TMPRSS9: variants seen among roughly 807,000 people sequenced by gnomAD.
The protein encoded by TMPRSS9 is transmembrane protease serine 9.
Under a neutral mutation model 111.4 loss-of-function variants are expected in TMPRSS9, and 113 were observed. That is an observed-to-expected ratio of 1.01 (90% CI 0.87 to 1.19). The LOEUF (loss-of-function observed/expected upper bound fraction) is 1.19. TMPRSS9 is among the 50% of genes most tolerant of loss of function. The pLI is 0.00. For synonymous variants in TMPRSS9, 805 were observed against 659.1 expected (o/e 1.22, Z -3.39); for missense variants, 1,803 against 1,513.1 (o/e 1.19, Z -3.18).
intron 1 of TMPRSS9, among the ~76,000 whole-genome samples, chr19:2,364,829 C>A (rs1970235813): frequency 6.6e-6 from 1 of 151,244 alleles, no homozygotes; most frequent in South Asian, 2.1e-4. Context: ...ACTAAAAATA[C>A]AAAAAAAATT....
At chr19:2,407,041 C>G (rs1970983584) in intron 7 of TMPRSS9, among the ~76,000 whole-genome samples, 1 of 151,534 alleles carries the variant, frequency 6.6e-6, no homozygotes, top group Non-Finnish European at 1.5e-5. Flanking sequence ...CTCAAGTGAT[C>G]TGCCCGTCTC....
At chr19:2,362,659 A>G (rs1970210289) in intron 1 of TMPRSS9, among the ~76,000 whole-genome samples, 1 of 152,100 alleles carries the variant, frequency 6.6e-6, no homozygotes, top group Admixed American at 6.5e-5. Context: ...TTGTGATTGT[A>G]TCAGTGTATG....
intron 1 of TMPRSS9, among the ~76,000 whole-genome samples, chr19:2,393,858 A>G (rs1406539138): frequency 7.3e-6 from 1 of 136,164 alleles, no homozygotes; most frequent in African/African-American, 2.8e-5. Context: ...AGATCATGCC[A>G]CTGCACTCCA....
At position 2,392,596 on chromosome 19, in the gene TMPRSS9, C is replaced by G. The variant is rs142451876; in HGVS notation, c.142+2669C>G. Among the ~76,000 whole-genome samples the G allele has an allele frequency of 3.5e-3, 532 of 152,252 alleles. 2 individuals are homozygous for G. The Middle Eastern group carries it at 0.037, about 11-fold the overall frequency. ...GGCGAAGCCAGCTGGGCTCCTGAGT[C>G]GAGTGGGGACTTGAAGAATTGTTAT... On this transcript the variant is annotated intron_variant, in intron 1 of 17. Transcript: ENST00000648592.
At chr19:2,418,061 A>G in exon 13 of TMPRSS9, 2 of 1,612,384 alleles carry the variant, frequency 1.2e-6, no homozygotes, top group Non-Finnish European at 1.7e-6. Flanking sequence ...GAAAACCTGT[A>G]GTGTGCTCTA....
intron 9 of TMPRSS9, among the ~76,000 whole-genome samples, chr19:2,413,190 A>G (rs7250002): frequency 0.36 from 55,042 of 151,900 alleles, 11,274 homozygotes; most frequent in African/African-American, 0.57. Flanking sequence ...GCAAAACTCT[A>G]TCTCAAAAAC....
intron 4 of TMPRSS9, among the ~76,000 whole-genome samples, chr19:2,401,026 G>T (rs1249942503): frequency 6.6e-6 from 1 of 150,770 alleles, no homozygotes; most frequent in Non-Finnish European, 1.5e-5. Flanking sequence ...TGTAATCCCA[G>T]CACTTTAGGA....
At position 2,425,253 on chromosome 19, in the gene TMPRSS9, C is replaced by A; in HGVS notation, c.2969C>A (p.Ser990Ter). 7.2e-7 allele frequency: 1 copy of A among 1,389,978 alleles called. No homozygotes were observed. The highest frequency in any genetic ancestry group is 9.3e-7 in the Non-Finnish European group (1 of 1,076,472). The allele number at this position is 1,389,978 out of a possible 1,614,324, so 86.1% of individuals were successfully genotyped here. A position where few individuals can be genotyped will look rare whatever the true frequency, so the allele number is the denominator to read the frequency against. ...CGCTGCGTCATCACCGGCTGGGGCTCGGTGCGCGAAGGAGGTAGGCGCGCC... is the reference window on the plus strand; with the variant it reads ...CGCTGCGTCATCACCGGCTGGGGCTAGGTGCGCGAAGGAGGTAGGCGCGCC... The change falls in exon 16 of 18, where the codon TCG becomes TAG. Residue 990 changes from serine to a stop codon, truncating the protein, a stop_gained. Transcript: ENST00000648592. LOFTEE classifies it high-confidence loss of function.
chr19:2,425,026 G>A (rs752695412), exon 16 of TMPRSS9: 3 of 1,544,488 alleles, frequency 1.9e-6, no homozygotes, highest in South Asian at 2.4e-5. Context: ...AGCAGTGGGC[G>A]GCCTTCCTAG....
exon 14 of TMPRSS9, chr19:2,422,118 A>G (rs774582605): frequency 6.3e-7 from 1 of 1,597,382 alleles, no homozygotes; most frequent in East Asian, 2.2e-5. Flanking sequence ...CAGCAGACCC[A>G]CCCCTGGGGC....
At chr19:2,370,570 C>T (rs1381057958) in intron 1 of TMPRSS9, among the ~76,000 whole-genome samples, 1 of 152,078 alleles carries the variant, frequency 6.6e-6, no homozygotes, top group Non-Finnish European at 1.5e-5. Context: ...CTCAAGTGAT[C>T]CTCCCTCCTT....
chr19:2,419,137 C>CCCTTTCCTTCCCTTCCCTCCCTA (rs1971403320), intron 13 of TMPRSS9, among the ~76,000 whole-genome samples: 12 of 117,876 alleles, frequency 1.0e-4, no homozygotes, highest in South Asian at 3.3e-4. Context: ...TTCCCTCCCT[C>CCCTTTCCTTCCCTTCCCTCCCTA]CCTTTCCTTC....
intron 11 of TMPRSS9, 81 bp downstream of exon 12, chr19:2,415,922 G>T: frequency 6.8e-7 from 1 of 1,460,468 alleles, no homozygotes; most frequent in South Asian, 1.4e-5. Context: ...TCCTGCTGGG[G>T]CTGCTGCATG....
intron 14 of TMPRSS9, among the ~76,000 whole-genome samples, chr19:2,422,957 TGA>T (rs1197033178): frequency 1.3e-5 from 2 of 151,238 alleles, no homozygotes; most frequent in African/African-American, 2.4e-5. Context: ...CTGGGGAGGC[TGA>T]GACAGGAGAA....
intron 1 of TMPRSS9, among the ~76,000 whole-genome samples, chr19:2,360,764 T>C (rs1005342467): frequency 6.6e-6 from 1 of 151,618 alleles, no homozygotes; most frequent in Non-Finnish European, 1.5e-5. Flanking sequence ...CGGGGTTGTG[T>C]GGACTCAGGT....
At chr19:2,366,623 T>G (rs1034461888) in intron 1 of TMPRSS9, among the ~76,000 whole-genome samples, 3 of 150,946 alleles carry the variant, frequency 2.0e-5, no homozygotes, top group Non-Finnish European at 4.4e-5. Context: ...TTTGGGAGGC[T>G]GAGGAGGGCA....
At chr19:2,366,684 C>T (rs561455655) in intron 1 of TMPRSS9, among the ~76,000 whole-genome samples, 94 of 151,272 alleles carry the variant, frequency 6.2e-4, no homozygotes, top group African/African-American at 2.0e-3. Context: ...GATGAAACCC[C>T]ACCTCTACTA....
At chr19:2,398,991 C>A (rs753983615) in intron 3 of TMPRSS9, 27 bp from the exon 5 acceptor site, 2 of 1,602,184 alleles carry the variant, frequency 1.2e-6, no homozygotes, top group African/African-American at 2.7e-5. Context: ...CCCTCCCTCT[C>A]CAAGGGCCTC....
chr19:2,363,255 G>A (rs963059067), intron 1 of TMPRSS9, among the ~76,000 whole-genome samples: 4 of 152,156 alleles, frequency 2.6e-5, no homozygotes, highest in African/African-American at 4.8e-5. Context: ...TGTAAAATAC[G>A]GAGCTTGGAG....
Sources: gnomAD v4.1 joint callset for allele counts (sites outside exome capture counted in the v4.1 genomes callset) on GRCh38, gnomAD v4.1.1 for gene constraint, MANE v1.5 for transcripts, NCBI Gene and HGNC (gene_info 2026-07-23, HGNC 2026-07-21) for gene names.